Variants in PLEKHA5 observed in about 807,000 individuals in gnomAD.
The protein encoded by PLEKHA5 is pleckstrin homology domain-containing family A member 5.
In PLEKHA5, 55 loss-of-function variants were observed where a neutral mutation model predicts 181.9. That is an observed-to-expected ratio of 0.30 (90% confidence interval 0.24 to 0.38). The LOEUF (loss-of-function observed/expected upper bound fraction) is 0.38. Among genes scored for constraint, PLEKHA5 ranks in the 10% least tolerant of loss-of-function variants. The pLI, the probability that PLEKHA5 is intolerant of heterozygous loss-of-function variation, is 1.00. For missense variants in PLEKHA5, 1,432 were observed against 1,549.5 expected, an observed-to-expected ratio of 0.92 and a Z score of 1.27; for synonymous variants, 535 against 529.4, an observed-to-expected ratio of 1.01 and a Z score of -0.15.
At chr12:19,319,321 TTGAAA>T (rs2090015180) in intron 16 of PLEKHA5, among the ~76,000 whole-genome samples, 1 of 152,178 alleles carries the variant, frequency 6.6e-6, no homozygotes, top group Non-Finnish European at 1.5e-5. Flanking sequence ...AAGTAATGTC[TTGAAA>T]TGAAATATAA....
intron 7 of PLEKHA5, 134 bp from the exon 8 acceptor site, chr12:19,265,616 T>C: frequency 1.7e-6 from 1 of 584,656 alleles, no homozygotes; most frequent in Non-Finnish European, 3.1e-6. Flanking sequence ...TTTAAAACCT[T>C]ATAAAGGCCT....
chr12:19,341,063 A>T (rs1459618524), intron 21 of PLEKHA5, among the ~76,000 whole-genome samples: 1 of 152,210 alleles, frequency 6.6e-6, no homozygotes, highest in Non-Finnish European at 1.5e-5. Flanking sequence ...CTTGAGGGTC[A>T]GGAGTTCAAG....
chr12:19,168,749 A>G lies in PLEKHA5; in HGVS notation c.227+36299A>G, dbSNP rs897558592. On this transcript the variant is annotated intron_variant, in intron 3 of 31. Transcript: ENST00000429027. ...TAATAATAATGGATAATACTGAATTATAAGATTCCTTCTAAGAATGTGTTA... is the reference window on the plus strand; with the variant it reads ...TAATAATAATGGATAATACTGAATTGTAAGATTCCTTCTAAGAATGTGTTA... Among the ~76,000 whole-genome samples, 2 of 152,232 alleles carry G rather than the reference A, an allele frequency of 1.3e-5. 1 individual carries two copies.
intron 3 of PLEKHA5, among the ~76,000 whole-genome samples, chr12:19,177,870 C>T (rs1591947164): frequency 6.6e-6 from 1 of 152,316 alleles, no homozygotes; most frequent in South Asian, 2.1e-4. Context: ...GGAATATTTT[C>T]TGCCATGATT....
chr12:19,301,951 T>C (rs1349759728), intron 15 of PLEKHA5, among the ~76,000 whole-genome samples: 4 of 152,162 alleles, frequency 2.6e-5, no homozygotes, highest in African/African-American at 9.7e-5. Context: ...ATTTACATTG[T>C]TATTATCTAA....
intron 8 of PLEKHA5, among the ~76,000 whole-genome samples, chr12:19,268,285 AT>A (rs1220797513): frequency 6.6e-5 from 10 of 152,166 alleles, no homozygotes; most frequent in African/African-American, 9.7e-5. Context: ...ATGAATTTAA[AT>A]TTTTTTGTTG....
At chr12:19,315,870 T>C (rs545566410) in intron 16 of PLEKHA5, among the ~76,000 whole-genome samples, 2 of 152,114 alleles carry the variant, frequency 1.3e-5, no homozygotes, top group Non-Finnish European at 2.9e-5. Context: ...ATACAATTGA[T>C]CAGAGGGTGA....
intron 13 of PLEKHA5, 121 bp from the exon 14 acceptor site, chr12:19,290,555 CA>C: frequency 4.2e-6 from 3 of 722,002 alleles, no homozygotes; most frequent in Non-Finnish European, 4.4e-6. Context: ...AGTGCCTAGG[CA>C]CTATGTTTGA....
rs192313533 is a variant in PLEKHA5 at position 19,142,075 on chromosome 12, T to G, written c.227+9625T>G. 2.0e-5 allele frequency among the ~76,000 whole-genome samples: 3 copies of G among 152,280 alleles called. No homozygotes were observed. In the East Asian group the frequency reaches 5.8e-4, roughly 29 times the overall value. On this transcript the variant is annotated intron_variant, in intron 3 of 31. Coordinates refer to ENST00000429027, the MANE Select transcript of PLEKHA5 (RefSeq NM_001256470.2). ...GTTGAAGTTGCATATTATTAAATGTTAAGGCCAGGTGCTGTGGCTCACGCC... is the reference window on the plus strand; with the variant it reads ...GTTGAAGTTGCATATTATTAAATGTGAAGGCCAGGTGCTGTGGCTCACGCC...
intron 3 of PLEKHA5, among the ~76,000 whole-genome samples, chr12:19,246,014 T>C (rs1317729080): frequency 6.6e-6 from 1 of 150,546 alleles, no homozygotes; most frequent in Non-Finnish European, 1.5e-5. Flanking sequence ...AGTCTCACTC[T>C]GTCGCCCAGG....
chr12:19,342,336 C>A (rs2093997892), intron 21 of PLEKHA5, among the ~76,000 whole-genome samples: 1 of 151,994 alleles, frequency 6.6e-6, no homozygotes, highest in South Asian at 2.1e-4. Flanking sequence ...GTGTATTTAA[C>A]CTGAGGGCAT....
At chr12:19,371,870 C>G (rs1241882687) in intron 31 of PLEKHA5, 1 of 152,162 alleles carries the variant, frequency 6.6e-6, no homozygotes, top group Non-Finnish European at 1.5e-5. Context: ...ACTTTTAGTT[C>G]TTTAAGGAAT....
At chr12:19,251,756 A>AC (rs2065380651) in intron 3 of PLEKHA5, among the ~76,000 whole-genome samples, 1 of 151,420 alleles carries the variant, frequency 6.6e-6, no homozygotes, top group African/African-American at 2.4e-5. Context: ...AAAAAAAAAA[A>AC]AAAAAAACTT....
chr12:19,253,930 CT>C lies in PLEKHA5; in HGVS notation c.228-4del. ...CTGCATGTTCTGTTTTTCTTTTTTC[CT>C]TTTTTCAGCCATAATGAAAGGAAAG... On this transcript the variant is annotated splice_polypyrimidine_tract_variant and intron_variant, in intron 3 of 31. Coordinates refer to ENST00000429027, the MANE Select transcript of PLEKHA5 (RefSeq NM_001256470.2). The C allele has an allele frequency of 2.0e-6, 3 of 1,536,624 alleles. No individual in the cohort carries two copies. The highest frequency in any genetic ancestry group is 2.7e-6 in the Non-Finnish European group (3 of 1,119,934).
chr12:19,252,128 CTT>C (rs1390469180), intron 3 of PLEKHA5, among the ~76,000 whole-genome samples: 1 of 151,962 alleles, frequency 6.6e-6, no homozygotes, highest in East Asian at 1.9e-4. Flanking sequence ...CTATCTATAT[CTT>C]TATATTAATA....
At chr12:19,260,860 C>T in intron 6 of PLEKHA5, 89 bp from the exon 7 acceptor site, 1 of 821,812 alleles carries the variant, frequency 1.2e-6, no homozygotes, top group South Asian at 2.3e-5. Flanking sequence ...AACTCCATCT[C>T]AAAAAAATAA....
chr12:19,280,744 T>C (rs2075901099), intron 11 of PLEKHA5, among the ~76,000 whole-genome samples: 3 of 152,036 alleles, frequency 2.0e-5, no homozygotes, highest in East Asian at 3.9e-4. Flanking sequence ...TCTTTTTTTT[T>C]TTTTGAGACA....
rs1241711079 is a variant in PLEKHA5, at chr12:19,162,960, A to G, written c.227+30510A>G. Among the ~76,000 whole-genome samples the G allele has an allele frequency of 3.9e-5, 6 of 152,192 alleles. No individual in the cohort carries two copies. In the East Asian group the frequency reaches 9.6e-4, roughly 24 times the overall value. On this transcript the variant is annotated intron_variant, in intron 3 of 31. Coordinates refer to ENST00000429027, the MANE Select transcript of PLEKHA5 (RefSeq NM_001256470.2). ...CTAGTCTAGTGTCTTCATTTTATGC[A>G]GAGAAAAAAACCTAATATTTATTTA...
intron 3 of PLEKHA5, among the ~76,000 whole-genome samples, chr12:19,244,264 GT>G (rs776317521): frequency 4.1e-4 from 62 of 151,358 alleles, no homozygotes; most frequent in Non-Finnish European, 6.8e-4. Flanking sequence ...TTTTAATAGA[GT>G]AATGAAACTA....
Sources: gnomAD v4.1 joint callset for allele counts (sites outside exome capture counted in the v4.1 genomes callset) on GRCh38, gnomAD v4.1.1 for gene constraint, MANE v1.5 for transcripts, NCBI Gene and HGNC (gene_info 2026-07-23, HGNC 2026-07-21) for gene names.